TMEM63B: variants seen among roughly 807,000 people sequenced by gnomAD.
TMEM63B encodes mechanosensitive cation channel TMEM63B.
In TMEM63B, 23 loss-of-function variants were observed where a neutral mutation model predicts 102.6. That is an observed-to-expected ratio of 0.22 (90% CI 0.16 to 0.32). TMEM63B has a LOEUF of 0.32. Ranked by LOEUF, TMEM63B falls within the 10% of genes least tolerant of loss-of-function variation. TMEM63B has a pLI of 1.00. For synonymous variants in TMEM63B, 444 were observed against 437.0 expected (o/e 1.02, Z -0.20); for missense variants, 628 against 1,095.9 (o/e 0.57, Z 6.03).
At chr6:44,130,554 C>T (rs1778070339) in intron 1 of TMEM63B, among the ~76,000 whole-genome samples, 1 of 146,998 alleles carries the variant, frequency 6.8e-6, no homozygotes, top group Non-Finnish European at 1.5e-5. Flanking sequence ...ATCTTCGCAC[C>T]TCAGCTTCCG....
At chr6:44,143,237 T>G (rs1242099223) in intron 10 of TMEM63B, among the ~76,000 whole-genome samples, 1 of 152,262 alleles carries the variant, frequency 6.6e-6, no homozygotes, top group Non-Finnish European at 1.5e-5. Flanking sequence ...ATGGATACTC[T>G]TTCATACTAC....
In TMEM63B at chr6:44,150,290, A is replaced by G. The variant is rs1372554597; in HGVS notation, c.1587A>G (p.Leu529=). Residue 529 remains leucine (L), a synonymous_variant, in exon 17 of 24, where the codon CTA becomes CTG. Coordinates refer to ENST00000323267, the MANE Select transcript of TMEM63B (RefSeq NM_018426.3). The surrounding 1 kb of genome is among the most constrained non-coding windows in gnomAD (Gnocchi z 4.7). ...YTFLIFMVLL[L]PSLGLSSLDL... is the part of the protein sequence containing the mutation. ...TCCTCATCTTCATGGTGCTGCTCCT[A>G]CCCTCGCTGGGACTGAGCAGGTGAG... 9 of 1,614,000 alleles carry G rather than the reference A, an allele frequency of 5.6e-6. No homozygotes were observed. Among genetic ancestry groups the G allele is most frequent in the Admixed American group, 1.7e-5 (1 of 60,000 alleles).
intron 23 of TMEM63B, 105 bp from the exon 24 acceptor site, chr6:44,154,587 C>T (rs995111014): frequency 1.4e-5 from 20 of 1,442,308 alleles, no homozygotes; most frequent in African/African-American, 7.1e-5. Context: ...GGGCTGCCCC[C>T]GCCCCCCAGG....
At chr6:44,141,002 G>A (rs1764143013) in intron 9 of TMEM63B, 26 bp from the exon 10 acceptor site, 1 of 1,613,086 alleles carries the variant, frequency 6.2e-7, no homozygotes, top group African/African-American at 1.3e-5. Context: ...AGCCTCAGAA[G>A]GCAAACCCAC....
chr6:44,129,281 T>C (rs1185256257), intron 1 of TMEM63B, among the ~76,000 whole-genome samples: 1 of 147,110 alleles, frequency 6.8e-6, no homozygotes, highest in Admixed American at 7.0e-5. Context: ...GGCAGGAGAA[T>C]GGCTTAAACC....
chr6:44,145,696 G>A lies in TMEM63B; in HGVS notation c.783-1151G>A, dbSNP rs1483552236. Among the ~76,000 whole-genome samples, 4 of 152,264 alleles carry A rather than the reference G, an allele frequency of 2.6e-5. No individual in the cohort carries two copies. The South Asian group carries it at 8.3e-4, about 32-fold the overall frequency. On this transcript the variant is annotated intron_variant, in intron 10 of 23. Transcript: ENST00000323267. ...CACTAGTGTAATGCCCACACTTTGGGAAGCTGAGGCAGGATGATCACTTGA... is the reference window on the plus strand; with the variant it reads ...CACTAGTGTAATGCCCACACTTTGGAAAGCTGAGGCAGGATGATCACTTGA...
chr6:44,134,673 G>C lies in TMEM63B; in HGVS notation c.89G>C (p.Ser30Thr). The C allele has an allele frequency of 1.9e-6, 3 of 1,614,210 alleles. No individual in the cohort carries two copies. The highest frequency in any genetic ancestry group is 2.5e-6 in the Non-Finnish European group (3 of 1,180,024). Reference sequence around the variant, plus strand: ...TACTGCTACAGCGCCCGCATCCGCAGCACTGTCCTGCAGGGCCTGCCCTTT... The same window carrying C: ...TACTGCTACAGCGCCCGCATCCGCACCACTGTCCTGCAGGGCCTGCCCTTT... ...KDYCYSARIR[S>T]TVLQGLPFGG... is the part of the protein sequence containing the mutation. The change falls in exon 2 of 24, where the codon AGC (serine) becomes ACC (threonine). Residue 30 changes from serine (S) to threonine (T), a missense_variant. Around this residue, in one of 6 missense-constraint regions of TMEM63B, gnomAD observed 336 missense variants for 580.3 expected, o/e 0.58. Coordinates refer to ENST00000323267, the MANE Select transcript of TMEM63B (RefSeq NM_018426.3).
At chr6:44,135,305 C>A in intron 3 of TMEM63B, 23 bp from the exon 4 acceptor site, 2 of 1,610,776 alleles carry the variant, frequency 1.2e-6, no homozygotes, top group Non-Finnish European at 8.5e-7. Context: ...CCCCTGCTAA[C>A]CCTGTCTGTT....
At chr6:44,141,161 C>G in intron 10 of TMEM63B, 63 bp downstream of exon 10, 2 of 1,512,784 alleles carry the variant, frequency 1.3e-6, no homozygotes, top group South Asian at 2.3e-5. Context: ...TGCCTTTGAA[C>G]TCTAAGAACA....
Position 44,154,442 on chromosome 6 carries a change from T to A in TMEM63B, c.2304T>A (p.Ser768=). The change falls in exon 23 of 24, where the codon TCT becomes TCA. Residue 768 remains serine, a synonymous_variant. Transcript: ENST00000323267. ...CCACTGCTGCTGCTGTCCCCAAATC[T>A]GCGGTGAGTGCCCTCAAGGGTTGGG... ...RPPTAAAVPK[S]AKYIAQVLQD... 1 of 1,613,956 alleles carries A rather than the reference T, an allele frequency of 6.2e-7. No homozygotes were observed. The highest frequency in any genetic ancestry group is 1.1e-5 in the South Asian group (1 of 91,088).
At chr6:44,143,736 G>C (rs111758763) in intron 10 of TMEM63B, among the ~76,000 whole-genome samples, 4,271 of 152,140 alleles carry the variant, frequency 0.028, 206 homozygotes, top group African/African-American at 0.097. Context: ...ACTAGTAATA[G>C]AGACTGTGTC....
chr6:44,138,978 C>T lies in TMEM63B; in HGVS notation c.407+461C>T, dbSNP rs143658354. 109 of 245,084 alleles carry T rather than the reference C, an allele frequency of 4.4e-4. No individual in the cohort carries two copies. The East Asian group carries it at 7.8e-3, about 18-fold the overall frequency. 15.2% of individuals were successfully genotyped at this position (245,084 alleles called of 1,614,324 possible). A position where few individuals can be genotyped will look rare whatever the true frequency, so the allele number is the denominator to read the frequency against. On this transcript the variant is annotated intron_variant, in intron 6 of 23. Transcript: ENST00000323267. ...CCCCCAGGCCTCCCCCAAGGGTACC[C>T]GGGCTTCACTACGCCAGGCTCAGCC...
At chr6:44,136,297 C>A (rs370393370) in intron 4 of TMEM63B, 52 bp from the exon 5 acceptor site, 1 of 1,524,506 alleles carries the variant, frequency 6.6e-7, no homozygotes, top group Non-Finnish European at 9.1e-7. Context: ...CCCAGCTTCC[C>A]GGGGGCTCAG....
chr6:44,132,144 C>A, intron 1 of TMEM63B: 1 of 569,350 alleles, frequency 1.8e-6, no homozygotes, highest in Non-Finnish European at 2.2e-6. Context: ...GTTGCTTCCC[C>A]TACTGGGTTC....
chr6:44,143,182 C>G (rs923226724), intron 10 of TMEM63B, among the ~76,000 whole-genome samples: 1 of 152,160 alleles, frequency 6.6e-6, no homozygotes, highest in Admixed American at 6.5e-5. Context: ...GATTCCAGAG[C>G]CTGTGTTAGA....
At position 44,149,898 on chromosome 6, in the gene TMEM63B, T is replaced by A. The variant is rs750222405; in HGVS notation, c.1453T>A (p.Trp485Arg). ...ITQFFPTLLL[W>R]CFSALLPTIV... ...CCAGTTCTTCCCCACCCTGCTGCTG[T>A]GGTGCTTCTCGGCCCTCCTTCCCAC... Residue 485 changes from tryptophan to arginine, a missense_variant, in exon 16 of 24, where the codon TGG becomes AGG. Physicochemically the swap from Trp to Arg is moderately radical, Grantham distance 101. This residue lies in a region of TMEM63B where 61 missense variants were observed against 176.0 expected (regional missense o/e 0.35). Transcript: ENST00000323267. The A allele has an allele frequency of 1.2e-6, 2 of 1,613,532 alleles. No homozygotes were observed. Among genetic ancestry groups the A allele is most frequent in the Non-Finnish European group, 1.7e-6 (2 of 1,179,806 alleles).
chr6:44,145,634 AAAC>A (rs879763664), intron 10 of TMEM63B, among the ~76,000 whole-genome samples: 15 of 151,880 alleles, frequency 9.9e-5, no homozygotes, highest in Non-Finnish European at 1.9e-4. Flanking sequence ...ACGAAACAAA[AAAC>A]AAAAAGAAAC....
intron 15 of TMEM63B, among the ~76,000 whole-genome samples, chr6:44,149,439 T>A (rs1766119808): frequency 6.6e-6 from 1 of 152,152 alleles, no homozygotes; most frequent in Non-Finnish European, 1.5e-5. Flanking sequence ...AAGGACAGTT[T>A]GCAAATCACT....
intron 2 of TMEM63B, 86 bp downstream of exon 2, chr6:44,134,829 C>A (rs1315522001): frequency 6.7e-6 from 10 of 1,491,526 alleles, no homozygotes; most frequent in Non-Finnish European, 8.9e-6. Context: ...ACTCTCCCAC[C>A]TGCCCCGGTT....
Sources: allele counts gnomAD v4.1 joint callset (sites outside exome capture counted in the v4.1 genomes callset), GRCh38; gene constraint gnomAD v4.1.1; regional missense constraint gnomAD v4.1.1; non-coding constraint Gnocchi (gnomAD v3.1); transcripts MANE v1.5; gene names NCBI Gene and HGNC (gene_info 2026-07-23, HGNC 2026-07-21).